LARGE1: variants seen among roughly 807,000 people sequenced by gnomAD.
LARGE1 encodes the protein LARGE xylosyl- and glucuronyltransferase 1.
Under a neutral mutation model 87.6 loss-of-function variants are expected in LARGE1, and 43 were observed. That is an observed-to-expected ratio of 0.49 (90% confidence interval 0.38 to 0.63). The LOEUF (loss-of-function observed/expected upper bound fraction) is 0.63, where lower values mean the gene tolerates loss of function less well. Among genes scored for constraint, LARGE1 ranks in the 30% least tolerant of loss-of-function variants. The pLI is 0.00. For synonymous variants in LARGE1, 434 were observed against 394.6 expected (o/e 1.10, Z -1.18); for missense variants, 802 against 1,000.2 (o/e 0.80, Z 2.67).
the LARGE1 span, among the ~76,000 whole-genome samples, chr22:33,100,908 C>A: frequency 6.6e-6 from 1 of 150,490 alleles, no homozygotes; most frequent in Non-Finnish European, 1.5e-5. Flanking sequence ...GGTGCGATCT[C>A]GGCTCACTGC....
chr22:33,509,057 T>C (rs538120460), intron 6 of LARGE1, among the ~76,000 whole-genome samples: 1 of 152,206 alleles, frequency 6.6e-6, no homozygotes, highest in Non-Finnish European at 1.5e-5. Flanking sequence ...AACAGGTATA[T>C]CAGGCCTTAG....
At position 33,228,794 on chromosome 22, in the gene LARGE1, G is replaced by A. The variant is rs559283316; in HGVS notation, c.1731-61962C>T. Among the ~76,000 whole-genome samples, 88 of 152,288 alleles carry A rather than the reference G, an allele frequency of 5.8e-4. 1 individual carries two copies. In the Middle Eastern group the frequency reaches 0.01, roughly 18 times the overall value. ...AGGGGTCTTATCAATCAGTGGCTGGGAATTTTACAACCACACAGTAGGTAG... is the reference window on the plus strand; with the variant it reads ...AGGGGTCTTATCAATCAGTGGCTGGAAATTTTACAACCACACAGTAGGTAG... On this transcript the variant is annotated intron_variant, in intron 11 of 11. Coordinates refer to the LARGE1 transcript ENST00000608642.
Position 33,273,282 on chromosome 22 carries a change from C to G in LARGE1, c.*1145G>C. 1 of 397,692 alleles carries G rather than the reference C, an allele frequency of 2.5e-6. No homozygotes were observed. Among genetic ancestry groups the G allele is most frequent in the Non-Finnish European group, 4.4e-6 (1 of 225,878 alleles). The allele number at this position is 397,692 out of a possible 1,614,324, so 24.6% of individuals were successfully genotyped here. A position where few individuals can be genotyped will look rare whatever the true frequency, so the allele number is the denominator to read the frequency against. ...TGTGAAGGTGAAGGTGGTTGCCTACCCTTGGACAGGTCCCAAAGGGAGACT... is the reference window on the plus strand; with the variant it reads ...TGTGAAGGTGAAGGTGGTTGCCTACGCTTGGACAGGTCCCAAAGGGAGACT... On this transcript the variant is annotated 3_prime_UTR_variant, in exon 15 of 15. Transcript: ENST00000397394.
At chr22:33,535,678 T>C (rs754148764) in intron 6 of LARGE1, among the ~76,000 whole-genome samples, 3 of 152,170 alleles carry the variant, frequency 2.0e-5, no homozygotes, top group Non-Finnish European at 4.4e-5. Context: ...AACCCCCTCA[T>C]AGGGCTGGGG....
intron 2 of LARGE1, among the ~76,000 whole-genome samples, chr22:33,719,084 C>A (rs566181093): frequency 6.6e-6 from 1 of 152,134 alleles, no homozygotes; most frequent in African/African-American, 2.4e-5. Flanking sequence ...CCACCACACC[C>A]GGCTGTATCT....
chr22:33,830,658 A>G (rs1366899150), intron 1 of LARGE1, among the ~76,000 whole-genome samples: 2 of 152,214 alleles, frequency 1.3e-5, no homozygotes, highest in East Asian at 3.9e-4. Flanking sequence ...AGAGACTGGA[A>G]ATGATGACAA....
rs184700878 is a variant in LARGE1, at chr22:33,663,804, A to G, written c.107-13136T>C. On this transcript the variant is annotated intron_variant, in intron 2 of 14. Transcript: ENST00000397394. Reference sequence around the variant, plus strand: ...AAGGATTTCAGGAGCCCCTACATATACAAGCCCTGTGCCAAGTTCCTGAAT... The same window carrying G: ...AAGGATTTCAGGAGCCCCTACATATGCAAGCCCTGTGCCAAGTTCCTGAAT... Among the ~76,000 whole-genome samples the G allele has an allele frequency of 8.9e-4, 135 of 152,316 alleles. 1 individual carries two copies. In the Middle Eastern group the frequency reaches 0.014, roughly 15 times the overall value.
Position 33,755,566 on chromosome 22 carries a change from G to A in LARGE1, c.106+5805C>T, listed in dbSNP as rs193107701. Among the ~76,000 whole-genome samples, 405 of 152,310 alleles carry A rather than the reference G, an allele frequency of 2.7e-3. 1 individual carries two copies. In the Middle Eastern group the frequency reaches 0.034, roughly 13 times the overall value. On this transcript the variant is annotated intron_variant, in intron 2 of 14. Coordinates refer to ENST00000397394, the MANE Select transcript of LARGE1 (RefSeq NM_133642.5). ...AACCCACTGGGCTCTGAGAAAAGGT[G>A]ATTCTGATAGAAAATAACAGGTATG...
intron 3 of LARGE1, among the ~76,000 whole-genome samples, chr22:33,637,926 T>C (rs1198575577): frequency 2.0e-5 from 3 of 152,162 alleles, no homozygotes; most frequent in African/African-American, 7.2e-5. Flanking sequence ...AACTAACATA[T>C]ACAGGGAGGG....
chr22:33,543,600 G>C (rs1398756940), intron 6 of LARGE1, among the ~76,000 whole-genome samples: 1 of 152,176 alleles, frequency 6.6e-6, no homozygotes, highest in Admixed American at 6.5e-5. Flanking sequence ...ACTTAGCATG[G>C]GTTCTGTCAG....
At chr22:33,162,597 CA>C (rs1569443633) in exon 12 of LARGE1, 1 of 152,184 alleles carries the variant, frequency 6.6e-6, no homozygotes, top group Non-Finnish European at 1.5e-5. Flanking sequence ...AAATCAGGAT[CA>C]ACTTTGCTGG....
chr22:33,259,813 G>A (rs1415278028), intron 11 of LARGE1, among the ~76,000 whole-genome samples: 2 of 152,164 alleles, frequency 1.3e-5, no homozygotes, highest in East Asian at 3.9e-4. Flanking sequence ...CACTTTGGAA[G>A]GTCTGTGCTG....
At chr22:33,721,413 G>A (rs888760601) in intron 2 of LARGE1, among the ~76,000 whole-genome samples, 4 of 152,210 alleles carry the variant, frequency 2.6e-5, no homozygotes, top group African/African-American at 9.6e-5. Context: ...TCTTATGGGT[G>A]CCATGCTTGA....
At chr22:33,641,434 C>A (rs1416279185) in intron 3 of LARGE1, among the ~76,000 whole-genome samples, 2 of 152,126 alleles carry the variant, frequency 1.3e-5, no homozygotes, top group African/African-American at 4.8e-5. Flanking sequence ...AAAACCACTG[C>A]AAAAATGCTG....
At chr22:33,642,178 GA>G (rs1207220610) in intron 3 of LARGE1, among the ~76,000 whole-genome samples, 1 of 152,172 alleles carries the variant, frequency 6.6e-6, no homozygotes, top group African/African-American at 2.4e-5. Flanking sequence ...ACTAACAGCA[GA>G]TCAATATGCT....
intron 1 of LARGE1, among the ~76,000 whole-genome samples, chr22:33,772,986 A>AT (rs2085119955): frequency 6.6e-6 from 1 of 152,208 alleles, no homozygotes; most frequent in Admixed American, 6.5e-5. Flanking sequence ...CATCTGTAAC[A>AT]TGAGAAATGG....
intron 1 of LARGE1, among the ~76,000 whole-genome samples, chr22:33,895,949 C>T (rs971615731): frequency 7.2e-6 from 1 of 138,886 alleles, no homozygotes; most frequent in Non-Finnish European, 1.6e-5. Context: ...ATAAAACTTA[C>T]AATTTTACCC....
chr22:33,575,770 G>A (rs573131827), intron 5 of LARGE1, among the ~76,000 whole-genome samples: 1 of 152,220 alleles, frequency 6.6e-6, no homozygotes, highest in East Asian at 1.9e-4. Context: ...GATGACAAAG[G>A]AGAAGTGAAC....
At chr22:33,856,730 C>T (rs1008489844) in intron 1 of LARGE1, 1 of 152,194 alleles carries the variant, frequency 6.6e-6, no homozygotes, top group African/African-American at 2.4e-5. Context: ...GAAAACGCTA[C>T]ACATCTTACC....
Sources: gnomAD v4.1 joint callset for allele counts (sites outside exome capture counted in the v4.1 genomes callset) on GRCh38, gnomAD v4.1.1 for gene constraint, MANE v1.5 for transcripts, NCBI Gene and HGNC (gene_info 2026-07-23, HGNC 2026-07-21) for gene names.